Variants in BRI3 observed in about 807,000 individuals in gnomAD.
The protein encoded by BRI3 is brain protein I3, also known as membrane protein BRI3.
A neutral mutation model predicts 12.8 loss-of-function variants in BRI3; 6 were observed. The observed-to-expected ratio is 0.47, with a 90% CI of 0.26 to 0.93. BRI3 has a LOEUF of 0.93. Ranked by LOEUF, BRI3 falls within the 40% of genes least tolerant of loss-of-function variation. The pLI is 0.15. For synonymous variants in BRI3, 91 were observed against 76.1 expected (o/e 1.20, Z -1.02); for missense variants, 134 against 171.1 (o/e 0.78, Z 1.21).
chr7:98,300,718 T>G (rs1325752215), intron 1 of BRI3, among the ~76,000 whole-genome samples: 1 of 151,620 alleles, frequency 6.6e-6, no homozygotes, highest in Non-Finnish European at 1.5e-5. Flanking sequence ...GGTGTGAAGG[T>G]ACGAAAGACA....
chr7:98,305,059 T>G (rs1376667126), upstream of BRI3, among the ~76,000 whole-genome samples: 4 of 146,864 alleles, frequency 2.7e-5, no homozygotes, highest in African/African-American at 7.5e-5. Context: ...TTTTTTTTTT[T>G]TTTTTTTTTT....
downstream of BRI3, chr7:98,293,978 T>G (rs532819495): frequency 1.6e-5 from 23 of 1,396,112 alleles, no homozygotes; most frequent in African/African-American, 3.2e-4. Context: ...TTTCTCAGGC[T>G]GGACCCCCTG....
intron 2 of BRI3, among the ~76,000 whole-genome samples, chr7:98,283,514 T>A (rs1488315653): frequency 1.3e-5 from 2 of 151,718 alleles, no homozygotes; most frequent in African/African-American, 2.4e-5. Flanking sequence ...AGCAGAAACA[T>A]TAGCCTTTGG....
chr7:98,288,690 T>C (rs1023416676), intron 2 of BRI3, among the ~76,000 whole-genome samples: 1 of 151,916 alleles, frequency 6.6e-6, no homozygotes, highest in African/African-American at 2.4e-5. Context: ...CGAATGGACA[T>C]AGGGACTGTA....
intron 1 of BRI3, among the ~76,000 whole-genome samples, chr7:98,299,990 A>G (rs1800355291): frequency 6.6e-6 from 1 of 152,168 alleles, no homozygotes; most frequent in Non-Finnish European, 1.5e-5. Context: ...GCTGTGAACC[A>G]AGATCATGCC....
chr7:98,318,672 T>C, the BRI3 span, among the ~76,000 whole-genome samples: 1 of 150,970 alleles, frequency 6.6e-6, no homozygotes, highest in African/African-American at 2.4e-5. Context: ...CTGGCCGGCA[T>C]GGTGGCTCAC....
chr7:98,302,876 C>G (rs540717022), upstream of BRI3, among the ~76,000 whole-genome samples: 6 of 152,280 alleles, frequency 3.9e-5, no homozygotes, highest in South Asian at 1.2e-3. Context: ...CCTCGAACTT[C>G]TGGGTTCAGG....
intron 1 of BRI3, among the ~76,000 whole-genome samples, chr7:98,298,321 A>G (rs986761400): frequency 6.6e-6 from 1 of 151,960 alleles, no homozygotes; most frequent in African/African-American, 2.4e-5. Context: ...TGCTTTTAAA[A>G]AACATTAGGG....
chr7:98,320,621 C>T, the BRI3 span, among the ~76,000 whole-genome samples: 2 of 152,078 alleles, frequency 1.3e-5, no homozygotes, highest in African/African-American at 2.4e-5. Flanking sequence ...AGGTGTGAGC[C>T]GCCGCGCCAG....
chr7:98,293,458 G>A (rs369646507), downstream of BRI3: 10 of 1,476,584 alleles, frequency 6.8e-6, no homozygotes, highest in African/African-American at 1.4e-4. Context: ...GTGGCAGACA[G>A]GATGCGCCCA....
At chr7:98,310,705 G>A, downstream of BRI3, 5 of 491,652 alleles carry the variant, frequency 1.0e-5, no homozygotes, top group Non-Finnish European at 6.2e-6. Context: ...TATTTATTTT[G>A]AGACAGAGTC....
chr7:98,286,334 C>T (rs1366155867), intron 2 of BRI3, among the ~76,000 whole-genome samples: 1 of 152,224 alleles, frequency 6.6e-6, no homozygotes, highest in Non-Finnish European at 1.5e-5. Flanking sequence ...GAGTGGATGA[C>T]AGTGGCATGA....
Position 98,281,832 on chromosome 7 carries a change from G to A in BRI3, c.37G>A (p.Ala13Thr), listed in dbSNP as rs1374638053. The A allele has an allele frequency of 1.2e-5, 15 of 1,273,140 alleles. No individual in the cohort carries two copies. The highest frequency in any genetic ancestry group is 1.5e-5 in the Non-Finnish European group (15 of 1,007,024). The allele number at this position is 1,273,140 out of a possible 1,614,324, so 78.9% of individuals were successfully genotyped here. The change falls in exon 1 of 3, where the codon GCC becomes ACC. Residue 13 changes from alanine (A) to threonine (T), a missense_variant. Coordinates refer to ENST00000297290, the MANE Select transcript of BRI3 (RefSeq NM_015379.5). ...HKPLLQERPP[A>T]YNLEAGQGDY... ...GCCGCTGCTGCAGGAGCGGCCGCCCGCCTACAACCTGGAGGCCGGCCAGGG... is the reference window on the plus strand; with the variant it reads ...GCCGCTGCTGCAGGAGCGGCCGCCCACCTACAACCTGGAGGCCGGCCAGGG...
chr7:98,291,827 C>A (rs543253710), downstream of BRI3: 1 of 152,996 alleles, frequency 6.5e-6, no homozygotes, highest in South Asian at 2.1e-4. Flanking sequence ...TCTTCCACCC[C>A]GTAACAAAAC....
chr7:98,295,040 C>T (rs1278396621), downstream of BRI3, among the ~76,000 whole-genome samples: 1 of 152,218 alleles, frequency 6.6e-6, no homozygotes, highest in Non-Finnish European at 1.5e-5. Context: ...GCCTGTGGCC[C>T]GGCCACACCG....
downstream of BRI3, among the ~76,000 whole-genome samples, chr7:98,312,519 G>A (rs908525318): frequency 2.6e-5 from 4 of 152,140 alleles, no homozygotes; most frequent in South Asian, 2.1e-4. Context: ...GGACTAATAC[G>A]GGGATGGTAA....
At chr7:98,290,757 CCA>C (rs1426692428) in intron 2 of BRI3, among the ~76,000 whole-genome samples, 1 of 152,364 alleles carries the variant, frequency 6.6e-6, no homozygotes, top group African/African-American at 2.4e-5. Context: ...CCTCCGCCTC[CCA>C]CAGTGCTGGG....
the BRI3 span, chr7:98,315,601 G>T: frequency 1.4e-6 from 2 of 1,386,816 alleles, no homozygotes; most frequent in Non-Finnish European, 1.9e-6. Flanking sequence ...GAGAAGTAAC[G>T]GTCTCCACAT....
chr7:98,294,279 C>T (rs1296583944), downstream of BRI3, among the ~76,000 whole-genome samples: 3 of 152,126 alleles, frequency 2.0e-5, no homozygotes, highest in Admixed American at 6.5e-5. Flanking sequence ...AGGTGTGAGC[C>T]GCTGCGACTG....
Sources: allele counts gnomAD v4.1 joint callset (sites outside exome capture counted in the v4.1 genomes callset), GRCh38; gene constraint gnomAD v4.1.1; transcripts MANE v1.5; gene names NCBI Gene and HGNC (gene_info 2026-07-23, HGNC 2026-07-21).